The following BBX variants were observed in gnomAD, a reference collection of about 807,000 sequenced individuals.
The protein encoded by BBX is BBX high mobility group box domain containing.
BBX carries 30 observed loss-of-function variants against 100.2 expected under a neutral mutation model. The observed-to-expected ratio is 0.30, with a 90% CI of 0.22 to 0.41. The LOEUF (loss-of-function observed/expected upper bound fraction) is 0.41, where lower values mean the gene tolerates loss of function less well. Ranked by LOEUF, BBX falls within the 10% of genes least tolerant of loss-of-function variation. The probability of loss-of-function intolerance (pLI) is 1.00; values close to 1 mark genes in which losing one functional copy is unlikely to be tolerated. For synonymous variants in BBX, 376 were observed against 388.1 expected, an observed-to-expected ratio of 0.97 and a Z score of 0.37; for missense variants, 1,023 against 1,129.8, an observed-to-expected ratio of 0.91 and a Z score of 1.35.
intron 14 of BBX, among the ~76,000 whole-genome samples, chr3:107,790,971 A>G (rs1309675321): frequency 7.9e-5 from 12 of 152,172 alleles, no homozygotes; most frequent in Admixed American, 4.6e-4. Flanking sequence ...CGTTTTACTG[A>G]TCTTCAGATT....
chr3:107,593,983 A>G (rs1329739614), intron 2 of BBX, among the ~76,000 whole-genome samples: 1 of 152,184 alleles, frequency 6.6e-6, no homozygotes, highest in African/African-American at 2.4e-5. Context: ...CTGGGCTCTG[A>G]TATTTTCAGA....
chr3:107,651,493 TA>T (rs1311690222), intron 3 of BBX, among the ~76,000 whole-genome samples: 1 of 152,226 alleles, frequency 6.6e-6, no homozygotes, highest in Non-Finnish European at 1.5e-5. Context: ...TATCTAGGAA[TA>T]CTAGAAATGT....
intron 5 of BBX, among the ~76,000 whole-genome samples, chr3:107,723,423 T>TA (rs1160686599): frequency 6.6e-6 from 1 of 152,052 alleles, no homozygotes; most frequent in East Asian, 1.9e-4. Context: ...TAATTTTTTT[T>TA]ATTATACTTT....
chr3:107,776,231 G>T (rs921374294), intron 12 of BBX: 1 of 152,108 alleles, frequency 6.6e-6, no homozygotes, highest in Admixed American at 6.6e-5. Flanking sequence ...CCCAACAGAA[G>T]CATTTCTCTG....
intron 9 of BBX, 64 bp downstream of exon 9, chr3:107,748,103 G>A (rs548361262): frequency 2.2e-6 from 3 of 1,387,194 alleles, no homozygotes; most frequent in African/African-American, 2.9e-5. Flanking sequence ...ATACTGGAAT[G>A]GAGTTTTAAT....
rs893106849 is a variant in BBX, at chr3:107,742,158, G to C, written c.670-2472G>C. 4.6e-5 allele frequency among the ~76,000 whole-genome samples: 7 copies of C among 152,172 alleles called. No individual in the cohort carries two copies. The East Asian group carries it at 1.4e-3, about 29-fold the overall frequency. On this transcript the variant is annotated intron_variant, in intron 7 of 17. Coordinates refer to ENST00000325805, the MANE Select transcript of BBX (RefSeq NM_001142568.3). Reference sequence around the variant, plus strand: ...TATTGCATTGAGCTGATGCCTTCTTGAGAAATTTGGGGGCTGTTTTCCCTA... The same window carrying C: ...TATTGCATTGAGCTGATGCCTTCTTCAGAAATTTGGGGGCTGTTTTCCCTA...
chr3:107,570,870 C>T (rs1030979923), intron 2 of BBX, among the ~76,000 whole-genome samples: 1 of 152,036 alleles, frequency 6.6e-6, no homozygotes, highest in African/African-American at 2.4e-5. Context: ...GGAGTAGAGA[C>T]TAGGGAGGGA....
At chr3:107,670,846 A>G (rs139571235) in intron 3 of BBX, among the ~76,000 whole-genome samples, 3 of 152,226 alleles carry the variant, frequency 2.0e-5, no homozygotes, top group East Asian at 3.9e-4. Flanking sequence ...ACCAACACCA[A>G]CAACATCTCT....
At chr3:107,621,191 A>G (rs561242614) in intron 2 of BBX, among the ~76,000 whole-genome samples, 10 of 152,238 alleles carry the variant, frequency 6.6e-5, no homozygotes, top group African/African-American at 2.4e-4. Flanking sequence ...CTTTGGCTAG[A>G]GAAAGCTGAC....
chr3:107,613,827 AT>A (rs1307120130), intron 2 of BBX, among the ~76,000 whole-genome samples: 1 of 149,836 alleles, frequency 6.7e-6, no homozygotes, highest in African/African-American at 2.5e-5. Flanking sequence ...TGCAACAGTC[AT>A]TTTCCTATTT....
At chr3:107,799,297 T>G (rs979093098) in intron 16 of BBX, among the ~76,000 whole-genome samples, 4 of 152,112 alleles carry the variant, frequency 2.6e-5, no homozygotes, top group African/African-American at 9.7e-5. Context: ...TAGACAGAGA[T>G]AACCAGAGCA....
intron 3 of BBX, among the ~76,000 whole-genome samples, chr3:107,690,892 CTTTTT>C (rs66523709): frequency 5.3e-4 from 22 of 41,190 alleles, no homozygotes; most frequent in African/African-American, 2.2e-3. Context: ...GCCCCCCCCC[CTTTTT>C]TTTTTTTTTT....
chr3:107,713,278 G>T (rs1384798355), intron 4 of BBX, among the ~76,000 whole-genome samples: 1 of 151,716 alleles, frequency 6.6e-6, no homozygotes, highest in Non-Finnish European at 1.5e-5. Flanking sequence ...TCCCTTTTTT[G>T]CCTGGACAGC....
At position 107,798,501 on chromosome 3, in the gene BBX, T is replaced by C. The variant is rs768890462; in HGVS notation, c.2354-22T>C. The C allele has an allele frequency of 2.5e-6, 4 of 1,607,354 alleles. No individual in the cohort carries two copies. In the Admixed American group the frequency reaches 6.7e-5, roughly 27 times the overall value. ...TGCCTTCTGTTTTTGTGCATAACTA[T>C]GCATGGTATTTCCTATTTCAGCCAT... On this transcript the variant is annotated intron_variant, in intron 15 of 17. Transcript: ENST00000325805.
chr3:107,676,455 T>C (rs2399213), intron 3 of BBX, among the ~76,000 whole-genome samples: 18,131 of 152,224 alleles, frequency 0.12, 1,422 homozygotes, highest in Middle Eastern at 0.19. Context: ...GGAAACACTA[T>C]ACTGATTTCT....
Position 107,774,828 on chromosome 3 carries a change from G to A in BBX, c.2025G>A (p.Lys675=). 6.2e-7 allele frequency: 1 copy of A among 1,613,440 alleles called. No homozygotes were observed. The highest frequency in any genetic ancestry group is 2.2e-5 in the East Asian group (1 of 44,856). The change falls in exon 12 of 18, where the codon AAG becomes AAA. Residue 675 remains lysine (K), a synonymous_variant. Coordinates refer to ENST00000325805, the MANE Select transcript of BBX (RefSeq NM_001142568.3). ...CCAGTGGGAGCAAGAAGTTCAAGAA[G>A]ACAAAGCCAAAAGAAGACTGTCTCC... ...SGTSGSKKFK[K]TKPKEDCLLG...
Position 107,774,785 on chromosome 3 carries a change from C to A in BBX, c.1982C>A (p.Thr661Lys), listed in dbSNP as rs771853204. Residue 661 changes from threonine (T) to lysine (K), a missense_variant, in exon 12 of 18, where the codon ACA becomes AAA. Physicochemically the swap from Thr to Lys is moderately conservative, Grantham distance 78. Around this residue, in one of 9 missense-constraint regions of BBX, gnomAD observed 215 missense variants for 211.3 expected, o/e 1.02. Transcript: ENST00000325805. ...GGGTGTTGGAATGAAGAAAGCTGGA[C>A]ATTTAGTCAGAGTGGGACCAGTGGG... The part of the protein sequence containing the change: ...HEGCWNEESW[T>K]FSQSGTSGSK... The A allele has an allele frequency of 6.2e-7, 1 of 1,613,590 alleles. No individual in the cohort carries two copies. The highest frequency in any genetic ancestry group is 8.5e-7 in the Non-Finnish European group (1 of 1,179,646).
At chr3:107,798,425 A>G (rs1239039988) in intron 15 of BBX, 98 bp from the exon 16 acceptor site, 2 of 1,176,794 alleles carry the variant, frequency 1.7e-6, no homozygotes, top group East Asian at 4.8e-5. Flanking sequence ...TAAATTCTCC[A>G]TTCAGACGGG....
intron 3 of BBX, among the ~76,000 whole-genome samples, chr3:107,656,393 T>A (rs1228360215): frequency 6.6e-6 from 1 of 152,208 alleles, no homozygotes; most frequent in Non-Finnish European, 1.5e-5. Context: ...TGGTTCCTTC[T>A]AAAAGCTGCT....
Sources: allele counts gnomAD v4.1 joint callset (sites outside exome capture counted in the v4.1 genomes callset), GRCh38; gene constraint gnomAD v4.1.1; regional missense constraint gnomAD v4.1.1; transcripts MANE v1.5; gene names NCBI Gene and HGNC (gene_info 2026-07-23, HGNC 2026-07-21).